Variants in SMAD9 observed in about 807,000 individuals in gnomAD.
The protein encoded by SMAD9 is SMAD family member 9.
A neutral mutation model predicts 46.1 loss-of-function variants in SMAD9; 36 were observed. The observed-to-expected ratio is 0.78, with a 90% confidence interval of 0.60 to 1.03. SMAD9 has a LOEUF of 1.03. SMAD9 is among the 50% of genes least tolerant of loss of function. The pLI is 0.00. For missense variants in SMAD9, 572 were observed against 599.8 expected, an observed-to-expected ratio of 0.95 and a Z score of 0.48; for synonymous variants, 245 against 237.1, an observed-to-expected ratio of 1.03 and a Z score of -0.31.
Position 36,873,263 on chromosome 13 carries a change from C to T in SMAD9, c.413-348G>A, listed in dbSNP as rs182951780. ...CTACCTTGGAAATGACCAGAGCTGTCCTAATACCTGGCCTTCTGGCAACCT... is the reference window on the plus strand; with the variant it reads ...CTACCTTGGAAATGACCAGAGCTGTTCTAATACCTGGCCTTCTGGCAACCT... On this transcript the variant is annotated intron_variant, in intron 2 of 6. Transcript: ENST00000379826. Among the ~76,000 whole-genome samples the T allele has an allele frequency of 7.2e-5, 11 of 152,286 alleles. No homozygotes were observed. In the South Asian group the frequency reaches 1.5e-3, roughly 20 times the overall value.
chr13:36,845,203 T>TTTTTGTTGCTG lies in SMAD9; in HGVS notation c.*3462_*3472dup, dbSNP rs1278919055. On this transcript the variant is annotated 3_prime_UTR_variant, in exon 7 of 7. Coordinates refer to ENST00000379826, the MANE Select transcript of SMAD9 (RefSeq NM_001127217.3). ...TCTATCAAGTGATATTTATGAAATG[T>TTTTTGTTGCTG]TTTTGTTGCTGTTTTGTTGCTGTTA... The TTTTTGTTGCTG allele has an allele frequency of 1.3e-5, 2 of 152,134 alleles. No homozygotes were observed. The highest frequency in any genetic ancestry group is 6.5e-5 in the Admixed American group (1 of 15,270). 9.4% of individuals were successfully genotyped at this position (152,134 alleles called of 1,614,324 possible). A position where few individuals can be genotyped will look rare whatever the true frequency, so the allele number is the denominator to read the frequency against.
chr13:36,912,926 C>G (rs72648863), intron 1 of SMAD9, among the ~76,000 whole-genome samples: 1 of 152,164 alleles, frequency 6.6e-6, no homozygotes, highest in East Asian at 1.9e-4. Flanking sequence ...TCCAGAATCC[C>G]CACAGACACC....
At chr13:36,881,855 T>G (rs1251241913) in intron 1 of SMAD9, among the ~76,000 whole-genome samples, 1 of 152,212 alleles carries the variant, frequency 6.6e-6, no homozygotes, top group East Asian at 1.9e-4. Flanking sequence ...TAGAATAACC[T>G]GAACCCCAAA....
chr13:36,867,897 C>G lies in SMAD9; in HGVS notation c.671-514G>C, dbSNP rs531620447. 2.6e-5 allele frequency among the ~76,000 whole-genome samples: 4 copies of G among 152,274 alleles called. No individual in the cohort carries two copies. The South Asian group carries it at 8.3e-4, about 32-fold the overall frequency. ...GAGAAGGGCCCTTCTACCCAAATGA[C>G]AGTCCTGTGACTGGACAGTGATCAT... On this transcript the variant is annotated intron_variant, in intron 3 of 6. Coordinates refer to ENST00000379826, the MANE Select transcript of SMAD9 (RefSeq NM_001127217.3).
chr13:36,872,278 G>A (rs1174216650), intron 3 of SMAD9, among the ~76,000 whole-genome samples: 3 of 151,244 alleles, frequency 2.0e-5, no homozygotes, highest in African/African-American at 2.4e-5. Context: ...GGCAACCAAG[G>A]TAAAGGCCTA....
At chr13:36,902,280 T>C (rs1358938731) in intron 1 of SMAD9, among the ~76,000 whole-genome samples, 1 of 152,186 alleles carries the variant, frequency 6.6e-6, no homozygotes, top group East Asian at 1.9e-4. Context: ...CATTGAATGG[T>C]CTTGAAATCC....
At chr13:36,887,941 G>C (rs749301568) in intron 1 of SMAD9, among the ~76,000 whole-genome samples, 3 of 152,134 alleles carry the variant, frequency 2.0e-5, no homozygotes, top group Non-Finnish European at 4.4e-5. Context: ...GTAGGAAGTA[G>C]CCACAGTGTG....
At chr13:36,893,284 C>T (rs1020394830) in intron 1 of SMAD9, among the ~76,000 whole-genome samples, 1 of 151,658 alleles carries the variant, frequency 6.6e-6, no homozygotes, top group Non-Finnish European at 1.5e-5. Context: ...AATTCTACTT[C>T]TTGAAGTTTT....
chr13:36,915,070 T>A (rs1223661749), intron 1 of SMAD9, among the ~76,000 whole-genome samples: 1 of 152,202 alleles, frequency 6.6e-6, no homozygotes, highest in Non-Finnish European at 1.5e-5. Flanking sequence ...ATTAAAGCAG[T>A]CATTTAAGGC....
chr13:36,867,670 C>T lies in SMAD9; in HGVS notation c.671-287G>A, dbSNP rs538090415. 2.6e-5 allele frequency among the ~76,000 whole-genome samples: 4 copies of T among 152,128 alleles called. No individual in the cohort carries two copies. The South Asian group carries it at 6.2e-4, about 24-fold the overall frequency. On this transcript the variant is annotated intron_variant, in intron 3 of 6. Transcript: ENST00000379826. ...CAGGGCAAGACTTTCAAATGCAGAA[C>T]CTGTTCTCCTAGCTTTTCTCATAGC...
chr13:36,860,758 C>A (rs924660806), intron 5 of SMAD9, among the ~76,000 whole-genome samples: 4 of 151,832 alleles, frequency 2.6e-5, no homozygotes, highest in Non-Finnish European at 5.9e-5. Flanking sequence ...CGGCCACCAG[C>A]GTGTCTCTTA....
At chr13:36,910,736 C>G (rs1375427525) in intron 1 of SMAD9, among the ~76,000 whole-genome samples, 1 of 152,138 alleles carries the variant, frequency 6.6e-6, no homozygotes, top group Non-Finnish European at 1.5e-5. Flanking sequence ...TGGAGGCCCC[C>G]AGGCAACAGC....
chr13:36,901,038 T>C lies in SMAD9; in HGVS notation c.-187+19078A>G, dbSNP rs72648862. 5.9e-5 allele frequency among the ~76,000 whole-genome samples: 9 copies of C among 152,342 alleles called. No individual in the cohort carries two copies. The East Asian group carries it at 1.4e-3, about 23-fold the overall frequency. ...AAATGAAACCATAAACTATGTGTGATGAATCATATATGTGTGTGTTTGTGT... is the reference window on the plus strand; with the variant it reads ...AAATGAAACCATAAACTATGTGTGACGAATCATATATGTGTGTGTTTGTGT... On this transcript the variant is annotated intron_variant, in intron 1 of 6. Transcript: ENST00000379826.
At chr13:36,914,668 G>C (rs1434056621) in intron 1 of SMAD9, among the ~76,000 whole-genome samples, 1 of 152,196 alleles carries the variant, frequency 6.6e-6, no homozygotes, top group Non-Finnish European at 1.5e-5. Context: ...GTACTGATAA[G>C]AGATGTCAAA....
rs187446420 is a variant in SMAD9, at chr13:36,858,090, C to A, written c.1004-4415G>T. ...CTGTAGAGCGATAGATGAAAAAGAA[C>A]GGCACAGAATGTGAATCTTTATTGA... On this transcript the variant is annotated intron_variant, in intron 5 of 6. Transcript: ENST00000379826. 5.7e-4 allele frequency among the ~76,000 whole-genome samples: 86 copies of A among 152,152 alleles called. 1 individual carries two copies. Among genetic ancestry groups the A allele is most frequent in the African/African-American group, 1.9e-3 (77 of 41,512 alleles).
chr13:36,910,780 C>T (rs2058655158), intron 1 of SMAD9, among the ~76,000 whole-genome samples: 1 of 152,148 alleles, frequency 6.6e-6, no homozygotes, highest in Non-Finnish European at 1.5e-5. Flanking sequence ...TCTGGGCTTC[C>T]ACAGCACCTA....
At chr13:36,895,152 G>A (rs2058518035) in intron 1 of SMAD9, among the ~76,000 whole-genome samples, 1 of 152,022 alleles carries the variant, frequency 6.6e-6, no homozygotes, top group African/African-American at 2.4e-5. Context: ...CTTCCTCAGT[G>A]TTCCCAGGTC....
At chr13:36,902,354 T>C (rs538770650) in intron 1 of SMAD9, among the ~76,000 whole-genome samples, 87 of 152,226 alleles carry the variant, frequency 5.7e-4, no homozygotes, top group Non-Finnish European at 9.8e-4. Flanking sequence ...TCTATTCCAT[T>C]GATCTCTATG....
intron 2 of SMAD9, among the ~76,000 whole-genome samples, chr13:36,877,191 G>A (rs924168063): frequency 6.6e-6 from 1 of 151,904 alleles, no homozygotes; most frequent in Non-Finnish European, 1.5e-5. Context: ...GTGAAACCCC[G>A]TCTCTACTAA....
Sources: gnomAD v4.1 joint callset for allele counts (sites outside exome capture counted in the v4.1 genomes callset) on GRCh38, gnomAD v4.1.1 for gene constraint, MANE v1.5 for transcripts, NCBI Gene and HGNC (gene_info 2026-07-23, HGNC 2026-07-21) for gene names.